The following HTT variants were observed in gnomAD, a reference collection of about 807,000 sequenced individuals.
The protein encoded by HTT is huntingtin, also known as huntington disease protein.
In HTT, 104 loss-of-function variants were observed where a neutral mutation model predicts 362.3. The ratio of observed to expected loss-of-function variants is 0.29; its 90% CI spans 0.24 to 0.34. The LOEUF is 0.34. HTT is among the 10% of genes least tolerant of loss of function. The probability of loss-of-function intolerance (pLI) is 1.00; values close to 1 mark genes in which losing one functional copy is unlikely to be tolerated. For missense variants in HTT, 3,301 were observed against 3,928.6 expected (o/e 0.84, Z 4.27); for synonymous variants, 1,577 against 1,548.7 (o/e 1.02, Z -0.43).
chr4:3,238,744 C>A, intron 65 of HTT, 74 bp from the exon 66 acceptor site: 1 of 1,144,124 alleles, frequency 8.7e-7, no homozygotes, highest in East Asian at 2.5e-5. Flanking sequence ...CCACCCCACC[C>A]CCGCCACCCA....
At chr4:3,115,273 CT>C (rs1714959833) in intron 6 of HTT, 30 bp from the exon 7 acceptor site, 1 of 1,604,360 alleles carries the variant, frequency 6.2e-7, no homozygotes, top group Non-Finnish European at 8.5e-7. Context: ...GGAGCTTCAT[CT>C]TTTATCTACT....
intron 29 of HTT, 22 bp downstream of exon 29, chr4:3,160,414 C>G (rs1459962235): frequency 6.8e-7 from 1 of 1,461,520 alleles, no homozygotes; most frequent in African/African-American, 1.4e-5. Context: ...GTTTTTTCTC[C>G]TTGGGTTGTG....
In HTT at chr4:3,228,354, C is replaced by T. The variant is rs1322325153; in HGVS notation, c.7849-261C>T. Among the ~76,000 whole-genome samples, 1 of 152,224 alleles carries T rather than the reference C, an allele frequency of 6.6e-6. No individual in the cohort carries two copies. Among genetic ancestry groups the T allele is most frequent in the Non-Finnish European group, 1.5e-5 (1 of 68,034 alleles). On this transcript the variant is annotated intron_variant, in intron 57 of 66. Transcript: ENST00000355072. This position sits in a 1 kb window ranked among gnomAD's most constrained non-coding sequence, Gnocchi z 4.3. Reference sequence around the variant, plus strand: ...CCCTTCGTAGAGCCTCTTTCTGTGTCACCCTCCTCAGCTGCTCCTGGGGTT... The same window carrying T: ...CCCTTCGTAGAGCCTCTTTCTGTGTTACCCTCCTCAGCTGCTCCTGGGGTT...
At chr4:3,230,450 G>A (rs892155758) in intron 60 of HTT, among the ~76,000 whole-genome samples, 1 of 152,142 alleles carries the variant, frequency 6.6e-6, no homozygotes, top group African/African-American at 2.4e-5. Context: ...CAGGCCCCCC[G>A]AGCTTCCTGG....
rs1344123229 is a variant in HTT, at chr4:3,132,729, C to G, written c.2395+9C>G. The G allele has an allele frequency of 1.2e-6, 2 of 1,614,062 alleles. No individual in the cohort carries two copies. Among genetic ancestry groups the G allele is most frequent in the South Asian group, 2.2e-5 (2 of 91,080 alleles). ...CATTAGAACCCTCACAGGTAACGGC[C>G]AGTTTTTCAGCTGTGTTTTTTCTAG... On this transcript the variant is annotated intron_variant, in intron 17 of 66. Transcript: ENST00000355072.
At position 3,074,903 on chromosome 4, in the gene HTT, G is replaced by GCAGCAGCAGCAGCAGCAGCAGCAGCAA. The variant is rs1560534889; in HGVS notation, c.104_105insACAGCAGCAGCAGCAGCAGCAGCAGCA (p.Gln30_Gln38dup). The GCAGCAGCAGCAGCAGCAGCAGCAGCAA allele has an allele frequency of 4.0e-6, 6 of 1,488,280 alleles. No homozygotes were observed. The East Asian group carries it at 1.6e-4, about 40-fold the overall frequency. 92.2% of individuals were successfully genotyped at this position (1,488,280 alleles called of 1,614,324 possible). ...AGCAGCAGCAGCAGCAGCAGCAGCA[G>GCAGCAGCAGCAGCAGCAGCAGCAGCAA]CAGCAGCAGCAGCAGCAGCAGCAGC... On this transcript the variant is annotated inframe_insertion, in exon 1 of 67. Coordinates refer to ENST00000355072, the MANE Select transcript of HTT (RefSeq NM_001388492.1).
chr4:3,196,249 G>T (rs1356737292), intron 40 of HTT, among the ~76,000 whole-genome samples: 3 of 152,262 alleles, frequency 2.0e-5, no homozygotes, highest in Admixed American at 6.5e-5. Context: ...CCTCTGTCCA[G>T]TTGTTCCTCC....
chr4:3,144,207 T>C (rs1455252358), intron 23 of HTT, among the ~76,000 whole-genome samples: 1 of 152,240 alleles, frequency 6.6e-6, no homozygotes, highest in Non-Finnish European at 1.5e-5. Context: ...TTTTCTTCTT[T>C]ATATTTTTCA....
chr4:3,103,397 G>C (rs971671194), intron 3 of HTT, among the ~76,000 whole-genome samples: 3 of 151,506 alleles, frequency 2.0e-5, no homozygotes, highest in African/African-American at 7.3e-5. Context: ...GCTAATTTTT[G>C]TATTTTTTAG....
intron 20 of HTT, 73 bp from the exon 21 acceptor site, chr4:3,136,153 T>A (rs912217020): frequency 3.6e-6 from 4 of 1,112,790 alleles, no homozygotes; most frequent in Non-Finnish European, 5.4e-6. Flanking sequence ...TCTCACTAGC[T>A]TTCCAAAATA....
chr4:3,198,922 G>T (rs1200487371), intron 40 of HTT, among the ~76,000 whole-genome samples: 1 of 152,218 alleles, frequency 6.6e-6, no homozygotes. Flanking sequence ...ACAGAGCCTG[G>T]ACCGCAGGGG....
rs112406647 is a variant in HTT at position 3,080,116 on chromosome 4, C to T, written c.263+5028C>T. 5.4e-3 allele frequency among the ~76,000 whole-genome samples: 781 copies of T among 145,464 alleles called. 4 individuals are homozygous for T. Among genetic ancestry groups the T allele is most frequent in the African/African-American group, 0.019 (737 of 39,244 alleles). On this transcript the variant is annotated intron_variant, in intron 1 of 66. Coordinates refer to ENST00000355072, the MANE Select transcript of HTT (RefSeq NM_001388492.1). ...CTCTTTCTTTTTTTTTTTTTTGAAA[C>T]GGAGTTTCGCTCTTGTCACCCGGGC...
intron 27 of HTT, among the ~76,000 whole-genome samples, chr4:3,155,345 C>T (rs939892399): frequency 3.3e-5 from 5 of 151,622 alleles, no homozygotes; most frequent in Non-Finnish European, 1.5e-5. Context: ...CCTCAGCCTC[C>T]TGAGTAGCTG....
Position 3,131,818 on chromosome 4 carries a change from T to G in HTT, c.2236+43T>G, listed in dbSNP as rs1450261578. On this transcript the variant is annotated intron_variant, in intron 16 of 66. Coordinates refer to ENST00000355072, the MANE Select transcript of HTT (RefSeq NM_001388492.1). The stretch of plus-strand genomic sequence containing the variant: ...ATCTTATTTTCTCAGATTTAATCAT[T>G]ATTGTAAAAACTATTTCAGTATTGA... The G allele has an allele frequency of 1.9e-6, 3 of 1,571,520 alleles. No individual in the cohort carries two copies. In the Admixed American group the frequency reaches 5.3e-5, roughly 28 times the overall value.
intron 53 of HTT, among the ~76,000 whole-genome samples, chr4:3,222,080 G>A (rs149951503): frequency 0.014 from 2,207 of 152,370 alleles, 50 homozygotes; most frequent in South Asian, 0.098. Flanking sequence ...CTGCATGGGC[G>A]TCCCTGCCCT....
chr4:3,212,587 C>G lies in HTT; in HGVS notation c.6652C>G (p.Leu2218Val). 6.2e-7 allele frequency: 1 copy of G among 1,614,264 alleles called. No homozygotes were observed. ...LFGDAALYQS[L>V]PTLARALAQY... ...AGGGGATGCTGCACTGTATCAGTCCCTGCCCACTCTGGCCCGGGCCCTGGC... is the reference window on the plus strand; with the variant it reads ...AGGGGATGCTGCACTGTATCAGTCCGTGCCCACTCTGGCCCGGGCCCTGGC... Residue 2218 changes from leucine (L) to valine (V), a missense_variant, in exon 49 of 67, where the codon CTG (leucine) becomes GTG (valine). By Grantham distance (32) the Leu-to-Val change is conservative. Transcript: ENST00000355072.
intron 22 of HTT, among the ~76,000 whole-genome samples, chr4:3,141,596 T>A (rs910704769): frequency 6.6e-6 from 1 of 152,158 alleles, no homozygotes; most frequent in Admixed American, 6.5e-5. Context: ...AACCCACCTC[T>A]ACTCAAATAC....
chr4:3,131,479 G>A (rs1715813916), intron 15 of HTT, 82 bp downstream of exon 15: 8 of 1,453,728 alleles, frequency 5.5e-6, no homozygotes, highest in African/African-American at 1.4e-5. Flanking sequence ...TTTGCCTTGC[G>A]TGCAGCAGAG....
chr4:3,213,554 C>T (rs748798348), intron 49 of HTT, among the ~76,000 whole-genome samples: 1 of 152,208 alleles, frequency 6.6e-6, no homozygotes, highest in African/African-American at 2.4e-5. Flanking sequence ...AGGAAGTAGC[C>T]ATTCTGGCAT....
Sources: allele counts gnomAD v4.1 joint callset (sites outside exome capture counted in the v4.1 genomes callset), GRCh38; gene constraint gnomAD v4.1.1; non-coding constraint Gnocchi (gnomAD v3.1); transcripts MANE v1.5; gene names NCBI Gene and HGNC (gene_info 2026-07-23, HGNC 2026-07-21).